The following SSUH2 variants were observed in gnomAD, a reference collection of about 807,000 sequenced individuals.
SSUH2 encodes ssu-2 homolog.
Under a neutral mutation model 55.3 loss-of-function variants are expected in SSUH2, and 47 were observed. That is an observed-to-expected ratio of 0.85 (90% CI 0.67 to 1.08). The LOEUF is 1.08. SSUH2 is among the 50% of genes least tolerant of loss of function. The pLI is 0.00. For synonymous variants in SSUH2, 212 were observed against 191.5 expected, an observed-to-expected ratio of 1.11 and a Z score of -0.89; for missense variants, 535 against 490.7, an observed-to-expected ratio of 1.09 and a Z score of -0.85.
At chr3:8,675,868 G>C (rs1264106495) in intron 3 of SSUH2, among the ~76,000 whole-genome samples, 1 of 152,108 alleles carries the variant, frequency 6.6e-6, no homozygotes, top group Non-Finnish European at 1.5e-5. Flanking sequence ...CATTGTATGC[G>C]TCACAGAGAG....
At chr3:8,681,432 G>C (rs1302983006) in intron 1 of SSUH2, among the ~76,000 whole-genome samples, 35 of 148,410 alleles carry the variant, frequency 2.4e-4, no homozygotes, top group African/African-American at 8.2e-4. Context: ...CCGGGACTGA[G>C]AGCCAGCCCC....
chr3:8,669,204 T>C (rs923489569), intron 5 of SSUH2, among the ~76,000 whole-genome samples: 27 of 152,218 alleles, frequency 1.8e-4, no homozygotes, highest in Admixed American at 1.7e-3. Context: ...GAATACATCA[T>C]GTAAAAGGAC....
chr3:8,623,499 C>T, intron 11 of SSUH2, 50 bp downstream of exon 11: 1 of 1,098,826 alleles, frequency 9.1e-7, no homozygotes, highest in Non-Finnish European at 1.4e-6. Flanking sequence ...GAGGGCTCAG[C>T]AGCCCAGGAA....
At chr3:8,678,619 C>CG in intron 2 of SSUH2, among the ~76,000 whole-genome samples, 1 of 68,722 alleles carries the variant, frequency 1.5e-5, no homozygotes, top group South Asian at 7.1e-4. Context: ...CCCTTCTTCC[C>CG]CCCCGGCTTT....
chr3:8,651,049 C>T (rs542863798), intron 7 of SSUH2, among the ~76,000 whole-genome samples: 2 of 152,328 alleles, frequency 1.3e-5, no homozygotes, highest in African/African-American at 2.4e-5. Flanking sequence ...GCATTTTGCA[C>T]GGTCCCTCCG....
chr3:8,670,682 T>C (rs936086851), intron 5 of SSUH2, among the ~76,000 whole-genome samples: 1 of 151,900 alleles, frequency 6.6e-6, no homozygotes, highest in African/African-American at 2.4e-5. Flanking sequence ...TGTACATGCA[T>C]TGTGACCTTC....
chr3:8,649,919 C>T (rs373171462), intron 7 of SSUH2, among the ~76,000 whole-genome samples: 1 of 152,162 alleles, frequency 6.6e-6, no homozygotes, highest in Non-Finnish European at 1.5e-5. Flanking sequence ...CCGTGCTCTG[C>T]GAGCGACCCC....
chr3:8,666,727 C>T (rs927664977), intron 5 of SSUH2, among the ~76,000 whole-genome samples: 8 of 152,160 alleles, frequency 5.3e-5, no homozygotes, highest in African/African-American at 1.7e-4. Flanking sequence ...CCGGGCATAA[C>T]GTCAGATCCC....
chr3:8,625,746 C>T, intron 9 of SSUH2, 99 bp from the exon 10 acceptor site: 2 of 773,194 alleles, frequency 2.6e-6, no homozygotes, highest in South Asian at 3.2e-5. Context: ...GCTTGAATTG[C>T]TACTGGAGGG....
At position 8,681,518 on chromosome 3, in the gene SSUH2, C is replaced by G. The variant is rs558616689; in HGVS notation, c.-1046+373G>C. Among the ~76,000 whole-genome samples, 3 of 148,930 alleles carry G rather than the reference C, an allele frequency of 2.0e-5. No individual in the cohort carries two copies. The East Asian group carries it at 6.2e-4, about 31-fold the overall frequency. On this transcript the variant is annotated intron_variant, in intron 1 of 18. Transcript: ENST00000317371. ...CACGAGGCGGGGACTGAGAGCCAGT[C>G]CGTCTTCCCCCCTGGCTCTTCGGAC...
intron 3 of SSUH2, among the ~76,000 whole-genome samples, chr3:8,676,942 ACGG>A (rs1559556527): frequency 3.9e-5 from 5 of 127,636 alleles, no homozygotes; most frequent in Non-Finnish European, 6.7e-5. Context: ...CCCCCATAGT[ACGG>A]GGGGAAGGCA....
At chr3:8,638,105 G>A (rs1006646366) in intron 1 of SSUH2, among the ~76,000 whole-genome samples, 1 of 152,182 alleles carries the variant, frequency 6.6e-6, no homozygotes, top group African/African-American at 2.4e-5. Context: ...TCCTGGGAAT[G>A]GGCTTGAGGG....
At chr3:8,679,745 A>C in exon 2 of SSUH2, 1 of 168,858 alleles carries the variant, frequency 5.9e-6, no homozygotes, top group Non-Finnish European at 1.2e-5. Context: ...AAGAAAGCTC[A>C]GATCTGCGGA....
intron 7 of SSUH2, among the ~76,000 whole-genome samples, chr3:8,651,256 T>C (rs1702368118): frequency 1.3e-5 from 2 of 152,244 alleles, no homozygotes; most frequent in African/African-American, 4.8e-5. Context: ...CTGTCATAAA[T>C]GCTTCGGGAT....
chr3:8,624,269 C>T (rs1697069612), intron 10 of SSUH2, among the ~76,000 whole-genome samples: 1 of 152,216 alleles, frequency 6.6e-6, no homozygotes, highest in Admixed American at 6.5e-5. Context: ...CCACCCTCCT[C>T]CTAAGTGTCC....
intron 7 of SSUH2, among the ~76,000 whole-genome samples, chr3:8,654,139 T>C (rs918251311): frequency 6.6e-6 from 1 of 152,208 alleles, no homozygotes; most frequent in Admixed American, 6.5e-5. Flanking sequence ...TCCTAGCTTG[T>C]AGATGGCTGC....
intron 7 of SSUH2, among the ~76,000 whole-genome samples, chr3:8,652,273 A>G (rs964127637): frequency 1.3e-5 from 2 of 152,158 alleles, no homozygotes; most frequent in African/African-American, 4.8e-5. Context: ...CTGTACCACA[A>G]TCTCCCCCAG....
chr3:8,680,833 C>T (rs1248407650), intron 1 of SSUH2, among the ~76,000 whole-genome samples: 1 of 152,030 alleles, frequency 6.6e-6, no homozygotes, highest in East Asian at 1.9e-4. Flanking sequence ...GTGTACACCT[C>T]GTTCTCTATT....
chr3:8,662,158 ACTCT>A (rs535429965), intron 6 of SSUH2, among the ~76,000 whole-genome samples: 6 of 152,118 alleles, frequency 3.9e-5, no homozygotes, highest in Non-Finnish European at 7.3e-5. Context: ...AATGGGAGAC[ACTCT>A]CTCTGTCTCC....
Sources: gnomAD v4.1 joint callset for allele counts (sites outside exome capture counted in the v4.1 genomes callset) on GRCh38, gnomAD v4.1.1 for gene constraint, MANE v1.5 for transcripts, NCBI Gene and HGNC (gene_info 2026-07-23, HGNC 2026-07-21) for gene names.